TENM4: variants seen among roughly 807,000 people sequenced by gnomAD.
TENM4 encodes teneurin-4.
In TENM4, 82 loss-of-function variants were observed where a neutral mutation model predicts 243.3. The ratio of observed to expected loss-of-function variants is 0.34; its 90% CI spans 0.28 to 0.40. The LOEUF (loss-of-function observed/expected upper bound fraction) is 0.40, where lower values mean the gene tolerates loss of function less well. TENM4 is among the 10% of genes least tolerant of loss of function. TENM4 has a pLI of 1.00. For synonymous variants in TENM4, 1,412 were observed against 1,456.3 expected (o/e 0.97, Z 0.69); for missense variants, 3,138 against 3,673.3 (o/e 0.85, Z 3.77).
chr11:79,021,886 A>T (rs1858938094), intron 6 of TENM4: 1 of 152,264 alleles, frequency 6.6e-6, no homozygotes, highest in Non-Finnish European at 1.5e-5. Flanking sequence ...CTTTTAAAGT[A>T]CAAATCACCT....
chr11:78,713,086 A>T (rs1321577084), intron 25 of TENM4, among the ~76,000 whole-genome samples: 1 of 152,226 alleles, frequency 6.6e-6, no homozygotes, highest in Admixed American at 6.5e-5. Context: ...CGTTCATTCA[A>T]GCTAGAAGGA....
At chr11:79,178,389 ATC>A (rs758403480) in intron 3 of TENM4, among the ~76,000 whole-genome samples, 9 of 152,216 alleles carry the variant, frequency 5.9e-5, no homozygotes, top group Non-Finnish European at 1.3e-4. Context: ...GTTGTATAAG[ATC>A]TCCCAGGGAG....
chr11:79,041,324 A>G (rs1297741091), intron 6 of TENM4, among the ~76,000 whole-genome samples: 1 of 152,134 alleles, frequency 6.6e-6, no homozygotes, highest in Non-Finnish European at 1.5e-5. Context: ...TCAGCCTTCC[A>G]AAGTGCTGGG....
intron 18 of TENM4, among the ~76,000 whole-genome samples, chr11:78,763,296 A>T (rs1275355716): frequency 6.6e-6 from 1 of 152,256 alleles, no homozygotes; most frequent in African/African-American, 2.4e-5. Flanking sequence ...GAAAATGTCA[A>T]AAAGGCCAGG....
At chr11:79,178,409 C>G (rs182464776) in intron 3 of TENM4, among the ~76,000 whole-genome samples, 3 of 152,110 alleles carry the variant, frequency 2.0e-5, no homozygotes, top group Admixed American at 6.5e-5. Flanking sequence ...GAGTGTAGAA[C>G]AGAAAGAAGA....
chr11:78,673,633 A>G lies in TENM4; in HGVS notation c.5497-1304T>C, dbSNP rs186523032. Among the ~76,000 whole-genome samples the G allele has an allele frequency of 1.8e-4, 27 of 152,348 alleles. No homozygotes were observed. In the East Asian group the frequency reaches 4.8e-3, roughly 27 times the overall value. ...TCCGAGTCTCAGTTTCTTACTCTGT[A>G]TAACAAGAGTTGTTGTGAAGGTTGA... On this transcript the variant is annotated intron_variant, in intron 30 of 33. Transcript: ENST00000278550.
At chr11:79,173,558 TC>T (rs1863095705) in intron 3 of TENM4, among the ~76,000 whole-genome samples, 1 of 152,182 alleles carries the variant, frequency 6.6e-6, no homozygotes, top group Non-Finnish European at 1.5e-5. Flanking sequence ...TTATTCATTA[TC>T]AATAATAAAC....
intron 3 of TENM4, among the ~76,000 whole-genome samples, chr11:79,177,578 T>C (rs1341725976): frequency 1.3e-5 from 2 of 152,100 alleles, no homozygotes; most frequent in Non-Finnish European, 2.9e-5. Context: ...TCTGACATGT[T>C]AGGTGATGAT....
chr11:79,113,546 C>T (rs1861554369), intron 4 of TENM4, among the ~76,000 whole-genome samples: 1 of 151,908 alleles, frequency 6.6e-6, no homozygotes, highest in Non-Finnish European at 1.5e-5. Context: ...GACAAAAAAA[C>T]TCACCGAGAA....
intron 1 of TENM4, among the ~76,000 whole-genome samples, chr11:79,308,295 A>G (rs1023018694): frequency 1.3e-5 from 2 of 152,256 alleles, no homozygotes; most frequent in African/African-American, 2.4e-5. Context: ...AAGAAAACCG[A>G]TTATATTCAA....
At chr11:79,335,020 A>G (rs1229698510) in intron 1 of TENM4, among the ~76,000 whole-genome samples, 1 of 152,212 alleles carries the variant, frequency 6.6e-6, no homozygotes, top group Non-Finnish European at 1.5e-5. Flanking sequence ...AGCTCAGCTT[A>G]CAACTCCTCT....
At chr11:79,396,321 T>C (rs1001967682) in intron 1 of TENM4, among the ~76,000 whole-genome samples, 2 of 152,234 alleles carry the variant, frequency 1.3e-5, no homozygotes, top group African/African-American at 2.4e-5. Context: ...CTTTGTATCA[T>C]GCTTTATATC....
intron 6 of TENM4, among the ~76,000 whole-genome samples, chr11:78,980,319 C>A (rs759555840): frequency 1.3e-5 from 2 of 152,206 alleles, no homozygotes; most frequent in South Asian, 2.1e-4. Context: ...CTTTCATTAT[C>A]CCCGTTTCAG....
rs201125417 is a variant in TENM4, at chr11:78,753,713, C to CT, written c.2756+3091dup. On this transcript the variant is annotated intron_variant, in intron 19 of 33. Transcript: ENST00000278550. ...TAGGTAAAAGGAATTTTTACAGTAA[C>CT]TTTTTTTTTTTTTTTAAAGAGACAG... 2.5e-3 allele frequency among the ~76,000 whole-genome samples: 359 copies of CT among 141,414 alleles called. 1 individual carries two copies. The highest frequency in any genetic ancestry group is 7.1e-3 in the Middle Eastern group (2 of 280). The allele number at this position is 141,414 out of a possible 152,430, so 92.8% of individuals were successfully genotyped here.
chr11:79,419,026 G>A (rs1858876393), intron 1 of TENM4, among the ~76,000 whole-genome samples: 4 of 152,194 alleles, frequency 2.6e-5, no homozygotes, highest in Admixed American at 2.6e-4. Context: ...AAACTCATTG[G>A]ATTGTTTATA....
At chr11:78,918,354 C>T (rs1458341334) in intron 6 of TENM4, among the ~76,000 whole-genome samples, 3 of 151,788 alleles carry the variant, frequency 2.0e-5, no homozygotes, top group Non-Finnish European at 4.4e-5. Flanking sequence ...AAAAGGTGTA[C>T]ATTCTGTGGG....
chr11:79,279,957 C>A (rs1856126309), intron 2 of TENM4, among the ~76,000 whole-genome samples: 1 of 152,102 alleles, frequency 6.6e-6, no homozygotes, highest in Admixed American at 6.5e-5. Context: ...AGGGAACTAG[C>A]TCGGCCCCCT....
At chr11:79,343,064 C>G (rs1034866771) in intron 1 of TENM4, among the ~76,000 whole-genome samples, 2 of 152,234 alleles carry the variant, frequency 1.3e-5, no homozygotes, top group Admixed American at 1.3e-4. Context: ...CACTGGCACA[C>G]GCAGCTCACC....
intron 6 of TENM4, among the ~76,000 whole-genome samples, chr11:78,909,433 A>T (rs1330604762): frequency 6.6e-6 from 1 of 152,206 alleles, no homozygotes; most frequent in Admixed American, 6.5e-5. Context: ...AGGATTTCGA[A>T]ACCTTTAATT....
Sources: gnomAD v4.1 joint callset for allele counts (sites outside exome capture counted in the v4.1 genomes callset) on GRCh38, gnomAD v4.1.1 for gene constraint, MANE v1.5 for transcripts, NCBI Gene and HGNC (gene_info 2026-07-23, HGNC 2026-07-21) for gene names.